The following AJAP1 variants were observed in gnomAD, a reference collection of about 807,000 sequenced individuals.
AJAP1 encodes adherens junction-associated protein 1.
In AJAP1, 5 loss-of-function variants were observed where a neutral mutation model predicts 35.0. That is an observed-to-expected ratio of 0.14 (90% CI 0.07 to 0.30). The LOEUF is 0.30. Among genes scored for constraint, AJAP1 ranks in the 10% least tolerant of loss-of-function variants. The pLI is 1.00. For missense variants in AJAP1, 586 were observed against 571.0 expected (o/e 1.03, Z -0.27); for synonymous variants, 284 against 249.3 (o/e 1.14, Z -1.31).
intron 2 of AJAP1, among the ~76,000 whole-genome samples, chr1:4,716,799 A>T (rs1570149981): frequency 6.6e-6 from 1 of 151,942 alleles, no homozygotes; most frequent in East Asian, 1.9e-4. Context: ...GATGATGATG[A>T]TGGTTACCAT....
chr1:4,709,216 G>A (rs1317919295), intron 1 of AJAP1, among the ~76,000 whole-genome samples: 3 of 149,874 alleles, frequency 2.0e-5, no homozygotes, highest in Non-Finnish European at 4.5e-5. Flanking sequence ...TGCCTGGTGG[G>A]GGCTGGTGGG....
chr1:4,737,868 C>T (rs1357085532), intron 2 of AJAP1, among the ~76,000 whole-genome samples: 1 of 152,172 alleles, frequency 6.6e-6, no homozygotes, highest in African/African-American at 2.4e-5. Flanking sequence ...CACTACTGCA[C>T]TCCAGCCTGG....
At chr1:4,668,752 G>A (rs1453013290) in intron 1 of AJAP1, among the ~76,000 whole-genome samples, 1 of 152,188 alleles carries the variant, frequency 6.6e-6, no homozygotes, top group Admixed American at 6.5e-5. Context: ...CCCTGCCTGG[G>A]AGACGGGGCA....
At chr1:4,727,983 A>C (rs1640709224) in intron 2 of AJAP1, among the ~76,000 whole-genome samples, 1 of 152,194 alleles carries the variant, frequency 6.6e-6, no homozygotes, top group Admixed American at 6.5e-5. Context: ...GAGCCTCTGA[A>C]CAGCAGGGCC....
chr1:4,781,701 C>A (rs1642066807), intron 5 of AJAP1, among the ~76,000 whole-genome samples: 1 of 152,216 alleles, frequency 6.6e-6, no homozygotes, highest in Non-Finnish European at 1.5e-5. Flanking sequence ...AGCACCCCAT[C>A]CCTGTGACGG....
intron 1 of AJAP1, among the ~76,000 whole-genome samples, chr1:4,710,809 C>T (rs1640213275): frequency 6.6e-6 from 1 of 152,268 alleles, no homozygotes; most frequent in African/African-American, 2.4e-5. Flanking sequence ...CCTCTGAGCC[C>T]TTCCACGTGG....
intron 2 of AJAP1, among the ~76,000 whole-genome samples, chr1:4,740,809 G>GA (rs1641050532): frequency 6.7e-6 from 1 of 150,120 alleles, no homozygotes; most frequent in South Asian, 2.1e-4. Context: ...AAAAAAAGCG[G>GA]GGGGGGCTAA....
intron 5 of AJAP1, among the ~76,000 whole-genome samples, chr1:4,780,931 G>C (rs974802036): frequency 2.0e-5 from 3 of 152,136 alleles, no homozygotes; most frequent in Non-Finnish European, 4.4e-5. Flanking sequence ...TAGCCTCATG[G>C]AGTTGTCCAC....
intron 1 of AJAP1, among the ~76,000 whole-genome samples, chr1:4,673,011 T>C (rs1346346035): frequency 6.6e-6 from 1 of 152,124 alleles, no homozygotes; most frequent in Non-Finnish European, 1.5e-5. Flanking sequence ...GAAGGAGTGC[T>C]TCCAGTCGAG....
In AJAP1 at chr1:4,768,274, A is replaced by G. The variant is rs553505058; in HGVS notation, c.830-1579A>G. On this transcript the variant is annotated intron_variant, in intron 2 of 5. Coordinates refer to ENST00000378191, the MANE Select transcript of AJAP1 (RefSeq NM_018836.4). ...CAGTTCCTGAATCAGTGGATAGAAG[A>G]AGGCTTGGGAGAGACTCGCCATGCT... Among the ~76,000 whole-genome samples the G allele has an allele frequency of 4.6e-5, 7 of 152,314 alleles. 1 individual carries two copies. In the South Asian group the frequency reaches 1.5e-3, roughly 32 times the overall value.
chr1:4,773,576 G>A (rs539297809), intron 4 of AJAP1, among the ~76,000 whole-genome samples: 4 of 152,186 alleles, frequency 2.6e-5, no homozygotes, highest in Admixed American at 6.5e-5. Context: ...GGACAGTGGC[G>A]CTCAGAACCT....
At chr1:4,685,852 A>G (rs1484889647) in intron 1 of AJAP1, among the ~76,000 whole-genome samples, 2 of 152,180 alleles carry the variant, frequency 1.3e-5, no homozygotes, top group African/African-American at 4.8e-5. Flanking sequence ...CCATCTGGTC[A>G]TCCAGAGGCT....
chr1:4,691,415 C>T (rs115554420), intron 1 of AJAP1, among the ~76,000 whole-genome samples: 126 of 152,346 alleles, frequency 8.3e-4, no homozygotes, highest in African/African-American at 2.8e-3. Context: ...GTGCTTCTGT[C>T]GTCAGCAGGG....
chr1:4,655,349 G>T lies in AJAP1; in HGVS notation c.-77G>T, dbSNP rs1256075051. On this transcript the variant is annotated 5_prime_UTR_variant, in exon 1 of 6. Transcript: ENST00000378191. This position sits in a 1 kb window ranked among gnomAD's most constrained non-coding sequence, Gnocchi z 6.9. ...GAGCCGGAGACCGGCGCCGCGGGAC[G>T]GAAGCGAGCGGGCGCGGGCGCCGCG... is the stretch of plus-strand genomic sequence containing the variant. 2 of 1,400,980 alleles carry T rather than the reference G, an allele frequency of 1.4e-6. No homozygotes were observed. Among genetic ancestry groups the T allele is most frequent in the Non-Finnish European group, 1.9e-6 (2 of 1,050,598 alleles). The allele number at this position is 1,400,980 out of a possible 1,614,324, so 86.8% of individuals were successfully genotyped here. A position where few individuals can be genotyped will look rare whatever the true frequency, so the allele number is the denominator to read the frequency against.
At chr1:4,671,077 C>G (rs4654584) in intron 1 of AJAP1, among the ~76,000 whole-genome samples, 37,908 of 152,158 alleles carry the variant, frequency 0.25, 5,511 homozygotes, top group South Asian at 0.49. Flanking sequence ...CTTTTAGAGT[C>G]TGCATCACAG....
rs2100384211 is a variant in AJAP1 at position 4,787,608 on chromosome 1, G to A, written c.*5123G>A. 2.2e-6 allele frequency: 1 copy of A among 447,360 alleles called. No individual in the cohort carries two copies. The highest frequency in any genetic ancestry group is 3.3e-4 in the Middle Eastern group (1 of 3,022). The allele number at this position is 447,360 out of a possible 1,614,324, so 27.7% of individuals were successfully genotyped here. A position where few individuals can be genotyped will look rare whatever the true frequency, so the allele number is the denominator to read the frequency against. ...GCAAGAGTGGAAGCAGAGGGGCAGG[G>A]GCAGGGGCAGGATGAGGGCTGCTGC... On this transcript the variant is annotated 3_prime_UTR_variant, in exon 6 of 6. Transcript: ENST00000378191.
chr1:4,769,791 GC>G (rs1322576670), intron 2 of AJAP1, 61 bp from the exon 3 acceptor site: 8 of 1,440,784 alleles, frequency 5.6e-6, no homozygotes, highest in South Asian at 1.1e-5. Context: ...ACCTTTCCCG[GC>G]CCCCCTCGCC....
At chr1:4,710,545 C>A (rs1463468094) in intron 1 of AJAP1, among the ~76,000 whole-genome samples, 1 of 152,242 alleles carries the variant, frequency 6.6e-6, no homozygotes, top group Admixed American at 6.5e-5. Flanking sequence ...CAGCTTCCTT[C>A]CTTTGTGAAG....
chr1:4,729,918 C>A (rs190229325), intron 2 of AJAP1, among the ~76,000 whole-genome samples: 1 of 152,286 alleles, frequency 6.6e-6, no homozygotes, highest in Admixed American at 6.5e-5. Flanking sequence ...CAGGCACTTG[C>A]GTGAGGACGT....
Sources: allele counts gnomAD v4.1 joint callset (sites outside exome capture counted in the v4.1 genomes callset), GRCh38; gene constraint gnomAD v4.1.1; non-coding constraint Gnocchi (gnomAD v3.1); transcripts MANE v1.5; gene names NCBI Gene and HGNC (gene_info 2026-07-23, HGNC 2026-07-21).